The following NTRK3 variants were observed in gnomAD, a reference collection of about 807,000 sequenced individuals.
The protein encoded by NTRK3 is neurotrophic receptor tyrosine kinase 3.
Under a neutral mutation model 91.7 loss-of-function variants are expected in NTRK3, and 24 were observed. That is an observed-to-expected ratio of 0.26 (90% CI 0.19 to 0.37). The LOEUF is 0.37. Among genes scored for constraint, NTRK3 ranks in the 10% least tolerant of loss-of-function variants. The pLI, the probability that NTRK3 is intolerant of heterozygous loss-of-function variation, is 1.00. For synonymous variants in NTRK3, 483 were observed against 404.0 expected, an observed-to-expected ratio of 1.20 and a Z score of -2.34; for missense variants, 880 against 1,068.9, an observed-to-expected ratio of 0.82 and a Z score of 2.46.
At position 88,222,859 on chromosome 15, in the gene NTRK3, G is replaced by C. The variant is rs56333217; in HGVS notation, c.248+33047C>G. On this transcript the variant is annotated intron_variant, in intron 3 of 18. Transcript: ENST00000394480. ...GATTAAGAAACCGAGGCCCAGGGAG[G>C]CTCAATGACTCACTGAACATCCCGC... Among the ~76,000 whole-genome samples the C allele has an allele frequency of 9.3e-3, 1,409 of 152,282 alleles. 27 individuals carry two copies. Among genetic ancestry groups the C allele is most frequent in the African/African-American group, 0.032 (1,347 of 41,536 alleles).
intron 10 of NTRK3, among the ~76,000 whole-genome samples, chr15:88,131,544 C>T (rs1031606045): frequency 6.6e-6 from 1 of 152,162 alleles, no homozygotes; most frequent in Non-Finnish European, 1.5e-5. Flanking sequence ...CTGACTGGGG[C>T]AGGGGGAGGA....
At chr15:88,162,898 T>G (rs1213782529) in intron 5 of NTRK3, among the ~76,000 whole-genome samples, 1 of 152,148 alleles carries the variant, frequency 6.6e-6, no homozygotes, top group South Asian at 2.1e-4. Context: ...TCTAGGTCTG[T>G]ACATGAGCAG....
At chr15:87,879,390 C>G (rs2065119587) in intron 18 of NTRK3, among the ~76,000 whole-genome samples, 2 of 152,184 alleles carry the variant, frequency 1.3e-5, no homozygotes, top group African/African-American at 4.8e-5. Context: ...GCACTGAATT[C>G]CCTGGGGCAA....
intron 13 of NTRK3, among the ~76,000 whole-genome samples, chr15:88,066,493 G>A (rs951266282): frequency 1.3e-5 from 2 of 152,124 alleles, no homozygotes; most frequent in African/African-American, 2.4e-5. Context: ...TGCCCATTTC[G>A]TAGGCCCTTG....
chr15:88,004,003 G>A (rs2076303374), intron 14 of NTRK3, among the ~76,000 whole-genome samples: 1 of 152,080 alleles, frequency 6.6e-6, no homozygotes, highest in African/African-American at 2.4e-5. Flanking sequence ...CCATAAGAAA[G>A]AAAAGACAGG....
At chr15:88,187,613 T>C (rs932691097) in intron 3 of NTRK3, among the ~76,000 whole-genome samples, 2 of 152,248 alleles carry the variant, frequency 1.3e-5, no homozygotes, top group Non-Finnish European at 2.9e-5. Flanking sequence ...TGTGATTTTC[T>C]GGGCTGTACA....
intron 3 of NTRK3, among the ~76,000 whole-genome samples, chr15:88,238,637 T>C (rs891013138): frequency 6.6e-5 from 10 of 152,230 alleles, no homozygotes; most frequent in African/African-American, 2.4e-4. Context: ...TTAACGTGTA[T>C]ATATGGTATG....
chr15:87,862,136 A>G (rs1278131664), exon 19 of NTRK3: 1 of 218,692 alleles, frequency 4.6e-6, no homozygotes, highest in Non-Finnish European at 9.2e-6. Flanking sequence ...CAGTCTTCAT[A>G]CAAATAATCT....
chr15:88,256,367 G>T (rs990785569), exon 2 of NTRK3: 7 of 635,778 alleles, frequency 1.1e-5, no homozygotes, highest in Admixed American at 4.9e-5. Flanking sequence ...GCCGCCGCCG[G>T]GTGGGAGCCG....
intron 3 of NTRK3, among the ~76,000 whole-genome samples, chr15:88,206,731 C>T (rs1276309883): frequency 6.6e-6 from 1 of 152,108 alleles, no homozygotes; most frequent in East Asian, 1.9e-4. Flanking sequence ...AACCCACACT[C>T]CTTACAGTGG....
chr15:87,941,219 T>A (rs1476264328), intron 14 of NTRK3, among the ~76,000 whole-genome samples: 3 of 152,172 alleles, frequency 2.0e-5, no homozygotes, highest in African/African-American at 7.2e-5. Flanking sequence ...GAAAAGCAAA[T>A]TTTCCAGGGT....
At chr15:88,128,790 A>C in intron 10 of NTRK3, 56 bp from the exon 11 acceptor site, 1 of 1,486,310 alleles carries the variant, frequency 6.7e-7, no homozygotes, top group Non-Finnish European at 9.4e-7. Context: ...CAGAACAGAC[A>C]CACTACTTGG....
intron 14 of NTRK3, among the ~76,000 whole-genome samples, chr15:88,032,492 A>G (rs540680899): frequency 6.6e-6 from 1 of 152,184 alleles, no homozygotes; most frequent in South Asian, 2.1e-4. Context: ...TGGTGAGCTC[A>G]GGGGCTGCTG....
intron 17 of NTRK3, among the ~76,000 whole-genome samples, chr15:87,923,032 G>A (rs2068004292): frequency 6.6e-6 from 1 of 152,160 alleles, no homozygotes; most frequent in South Asian, 2.1e-4. Flanking sequence ...AGGGGATCTT[G>A]CAAAATAACT....
intron 14 of NTRK3, among the ~76,000 whole-genome samples, chr15:87,972,099 C>T (rs2141279342): frequency 6.6e-6 from 1 of 152,310 alleles, no homozygotes; most frequent in South Asian, 2.1e-4. Flanking sequence ...TTGTCCTTCT[C>T]ACTGCAGAAT....
intron 17 of NTRK3, among the ~76,000 whole-genome samples, chr15:87,883,466 A>C (rs2065364120): frequency 6.6e-6 from 1 of 150,488 alleles, no homozygotes; most frequent in South Asian, 2.1e-4. Context: ...CAAAGCTATC[A>C]TTATAATGGA....
At chr15:87,873,881 T>C in exon 19 of NTRK3, 1 of 230,896 alleles carries the variant, frequency 4.3e-6, no homozygotes, top group Middle Eastern at 1.3e-3. Flanking sequence ...AACTCAGCCT[T>C]GCCCAGGCCC....
chr15:88,010,086 C>T (rs2076765723), intron 14 of NTRK3, among the ~76,000 whole-genome samples: 1 of 152,166 alleles, frequency 6.6e-6, no homozygotes, highest in South Asian at 2.1e-4. Flanking sequence ...TTATTCTGTT[C>T]TCTGGCCTGT....
chr15:87,953,181 T>C (rs1026449814), intron 14 of NTRK3, among the ~76,000 whole-genome samples: 1 of 152,066 alleles, frequency 6.6e-6, no homozygotes, highest in Non-Finnish European at 1.5e-5. Flanking sequence ...TACAATTCTA[T>C]AGAAAACAAC....
Sources: allele counts gnomAD v4.1 joint callset (sites outside exome capture counted in the v4.1 genomes callset), GRCh38; gene constraint gnomAD v4.1.1; transcripts MANE v1.5; gene names NCBI Gene and HGNC (gene_info 2026-07-23, HGNC 2026-07-21).